Variants in CTNNA1 observed in about 807,000 individuals in gnomAD.
CTNNA1 encodes the protein catenin alpha 1, also known as catenin alpha-1.
Under a neutral mutation model 98.4 loss-of-function variants are expected in CTNNA1, and 37 were observed. That is an observed-to-expected ratio of 0.38 (90% CI 0.29 to 0.49). The LOEUF is 0.49. Among genes scored for constraint, CTNNA1 ranks in the 20% least tolerant of loss-of-function variants. The probability of loss-of-function intolerance (pLI) is 0.95; values close to 1 mark genes in which losing one functional copy is unlikely to be tolerated. For missense variants in CTNNA1, 761 were observed against 1,147.2 expected, an observed-to-expected ratio of 0.66 and a Z score of 4.86; for synonymous variants, 404 against 413.2, an observed-to-expected ratio of 0.98 and a Z score of 0.27.
At chr5:138,756,482 T>G (rs1222470609) in intron 1 of CTNNA1, among the ~76,000 whole-genome samples, 1 of 152,138 alleles carries the variant, frequency 6.6e-6, no homozygotes. Flanking sequence ...TTTGAGAACG[T>G]AACTCACTGT....
chr5:138,889,801 A>G (rs1377990517), intron 9 of CTNNA1, among the ~76,000 whole-genome samples: 1 of 152,186 alleles, frequency 6.6e-6, no homozygotes, highest in Admixed American at 6.5e-5. Flanking sequence ...CCCATTCTGC[A>G]AACAGTTAAA....
At chr5:138,824,887 A>G (rs1468698771) in intron 6 of CTNNA1, 88 bp downstream of exon 6, 2 of 1,208,072 alleles carry the variant, frequency 1.7e-6, no homozygotes, top group Non-Finnish European at 2.4e-6. Context: ...AAGGCTTCTG[A>G]TGATAGCTCA....
intron 9 of CTNNA1, among the ~76,000 whole-genome samples, chr5:138,901,563 TATAG>T (rs1280405706): frequency 1.9e-4 from 29 of 152,296 alleles, no homozygotes; most frequent in African/African-American, 7.0e-4. Flanking sequence ...TAGCTGGGAC[TATAG>T]GTGCGTGCCA....
chr5:138,900,911 G>A (rs969073647), intron 9 of CTNNA1, among the ~76,000 whole-genome samples: 2 of 152,182 alleles, frequency 1.3e-5, no homozygotes, highest in African/African-American at 4.8e-5. Flanking sequence ...AGGGCTGCCT[G>A]ATCTCAAACT....
chr5:138,812,665 A>AAT (rs1758957123), intron 5 of CTNNA1, among the ~76,000 whole-genome samples: 3 of 152,162 alleles, frequency 2.0e-5, no homozygotes, highest in Non-Finnish European at 4.4e-5. Flanking sequence ...ATATACTGGA[A>AAT]TTATCTCTGT....
At chr5:138,892,755 G>T (rs931997410) in intron 9 of CTNNA1, among the ~76,000 whole-genome samples, 1 of 151,998 alleles carries the variant, frequency 6.6e-6, no homozygotes, top group Non-Finnish European at 1.5e-5. Flanking sequence ...GGTGGATCAT[G>T]CCTGTAATCC....
chr5:138,872,260 A>G (rs1187501017), intron 7 of CTNNA1: 6 of 152,648 alleles, frequency 3.9e-5, no homozygotes, highest in Non-Finnish European at 7.3e-5. Context: ...CATGTCCATT[A>G]TAAGTCAAAC....
intron 9 of CTNNA1, among the ~76,000 whole-genome samples, chr5:138,888,473 G>A (rs1482810635): frequency 6.6e-6 from 1 of 152,170 alleles, no homozygotes; most frequent in East Asian, 1.9e-4. Context: ...TGTAAAAACA[G>A]AAAACGGGAC....
chr5:138,810,082 T>C lies in CTNNA1; in HGVS notation c.346T>C (p.Cys116Arg). The C allele has an allele frequency of 6.2e-7, 1 of 1,614,150 alleles. No individual in the cohort carries two copies. The highest frequency in any genetic ancestry group is 1.1e-5 in the South Asian group (1 of 91,082). Residue 116 changes from cysteine to arginine, a missense_variant, in exon 4 of 18, where the codon TGC becomes CGC. Cys to Arg is a radical substitution (Grantham distance 180). Coordinates refer to ENST00000302763, the MANE Select transcript of CTNNA1 (RefSeq NM_001903.5). ...TGCAGGAGAGTTCGCAGATGATCCC[T>C]GCTCTTCTGTGAAGCGAGGCAACAT... is the stretch of plus-strand genomic sequence containing the variant. Reference protein sequence around the residue: ...AAAGEFADDPCSSVKRGNMVR... With the variant: ...AAAGEFADDPRSSVKRGNMVR...
At chr5:138,763,788 C>G (rs1752612039) in intron 1 of CTNNA1, among the ~76,000 whole-genome samples, 1 of 152,162 alleles carries the variant, frequency 6.6e-6, no homozygotes, top group Non-Finnish European at 1.5e-5. Context: ...TCTAAATTGG[C>G]AAAAGGTTTC....
chr5:138,852,832 A>G (rs142771200), intron 7 of CTNNA1, among the ~76,000 whole-genome samples: 35 of 65,796 alleles, frequency 5.3e-4, no homozygotes, highest in African/African-American at 1.6e-3. Context: ...TCCTTTGCCT[A>G]TAGATTCCTG....
chr5:138,753,583 C>G (rs1478407591), intron 1 of CTNNA1, 73 bp downstream of exon 1: 3 of 354,054 alleles, frequency 8.5e-6, no homozygotes, highest in South Asian at 1.4e-4. Context: ...GCCGGGCCGT[C>G]CCAAGCTGGG....
chr5:138,913,604 GTTGATGTAC>G (rs1761126948), intron 10 of CTNNA1, among the ~76,000 whole-genome samples: 1 of 151,088 alleles, frequency 6.6e-6, no homozygotes, highest in South Asian at 2.1e-4. Context: ...AAAAAATTCA[GTTGATGTAC>G]TTCAATTTTC....
intron 9 of CTNNA1, among the ~76,000 whole-genome samples, chr5:138,888,553 A>G (rs1207816929): frequency 2.0e-5 from 3 of 151,800 alleles, no homozygotes; most frequent in African/African-American, 7.3e-5. Flanking sequence ...TTTTGTTTTT[A>G]TTTGTTTGTT....
intron 5 of CTNNA1, among the ~76,000 whole-genome samples, chr5:138,814,679 T>C (rs1759230828): frequency 6.6e-6 from 1 of 152,370 alleles, no homozygotes; most frequent in East Asian, 1.9e-4. Context: ...CTGACTGTTA[T>C]TTAGACAAAA....
intron 10 of CTNNA1, among the ~76,000 whole-genome samples, chr5:138,914,983 C>T (rs953590681): frequency 4.0e-5 from 6 of 151,786 alleles, no homozygotes; most frequent in African/African-American, 1.5e-4. Context: ...CCATCTCTAC[C>T]AAAAATACAA....
intron 3 of CTNNA1, among the ~76,000 whole-genome samples, chr5:138,789,289 C>G (rs1356872603): frequency 2.0e-5 from 3 of 151,876 alleles, no homozygotes; most frequent in African/African-American, 7.3e-5. Context: ...GGAAAGTTAA[C>G]TAAAGGTATT....
chr5:138,775,157 T>G (rs953737214), intron 1 of CTNNA1, among the ~76,000 whole-genome samples: 1 of 152,216 alleles, frequency 6.6e-6, no homozygotes, highest in South Asian at 2.1e-4. Flanking sequence ...TTTGCAACCC[T>G]GGAAGGTTCT....
intron 10 of CTNNA1, among the ~76,000 whole-genome samples, chr5:138,914,587 C>T (rs1761337211): frequency 6.6e-6 from 1 of 151,466 alleles, no homozygotes; most frequent in Non-Finnish European, 1.5e-5. Flanking sequence ...TCTACCAGTT[C>T]TAAGTATTAA....
Sources: allele counts gnomAD v4.1 joint callset (sites outside exome capture counted in the v4.1 genomes callset), GRCh38; gene constraint gnomAD v4.1.1; transcripts MANE v1.5; gene names NCBI Gene and HGNC (gene_info 2026-07-23, HGNC 2026-07-21).